NRDC: variants seen among roughly 807,000 people sequenced by gnomAD.
NRDC encodes nardilysin convertase, also known as nardilysin.
NRDC carries 54 observed loss-of-function variants against 147.1 expected under a neutral mutation model. The observed-to-expected ratio is 0.37, with a 90% CI of 0.29 to 0.46. The LOEUF is 0.46. Among genes scored for constraint, NRDC ranks in the 20% least tolerant of loss-of-function variants. NRDC has a pLI of 1.00. For missense variants in NRDC, 1,082 were observed against 1,370.6 expected, an observed-to-expected ratio of 0.79 and a Z score of 3.33; for synonymous variants, 440 against 482.1, an observed-to-expected ratio of 0.91 and a Z score of 1.14.
At chr1:51,794,064 C>G (rs947149364) in intron 24 of NRDC, 24 of 161,870 alleles carry the variant, frequency 1.5e-4, no homozygotes, top group Non-Finnish European at 3.1e-4. Context: ...GTGATAAATC[C>G]TTCCTCTCAG....
intron 10 of NRDC, among the ~76,000 whole-genome samples, 168 bp from the exon 11 acceptor site, chr1:51,816,557 G>A (rs1679977750): frequency 1.3e-5 from 2 of 152,118 alleles, no homozygotes. Context: ...GATAAAAACA[G>A]AAAATATAGT....
chr1:51,833,440 TAA>T (rs34771592), intron 4 of NRDC, among the ~76,000 whole-genome samples: 43 of 121,428 alleles, frequency 3.5e-4, no homozygotes, highest in Non-Finnish European at 5.8e-4. Flanking sequence ...CCATATCTCT[TAA>T]AAAAAAAAAA....
intron 6 of NRDC, 152 bp from the exon 7 acceptor site, chr1:51,823,938 T>C (rs977079578): frequency 2.0e-6 from 1 of 495,306 alleles, no homozygotes; most frequent in Non-Finnish European, 3.5e-6. Context: ...AATGTATTAA[T>C]ATTAATAAGA....
chr1:51,868,308 G>A (rs1402552333), intron 1 of NRDC, among the ~76,000 whole-genome samples: 1 of 152,018 alleles, frequency 6.6e-6, no homozygotes, highest in African/African-American at 2.4e-5. Context: ...AAACAGAAAA[G>A]AGAGGAGATA....
At chr1:51,873,637 A>G (rs181672501) in intron 1 of NRDC, among the ~76,000 whole-genome samples, 3 of 151,526 alleles carry the variant, frequency 2.0e-5, no homozygotes, top group African/African-American at 7.2e-5. Flanking sequence ...CTGCCTCCCA[A>G]GTAGTTGGGA....
At chr1:51,860,756 AC>A (rs1368459206) in intron 1 of NRDC, among the ~76,000 whole-genome samples, 1 of 152,144 alleles carries the variant, frequency 6.6e-6, no homozygotes, top group African/African-American at 2.4e-5. Context: ...ACCTACAAGA[AC>A]CTTCCTTTCT....
In NRDC at chr1:51,816,390, CT is replaced by C. The variant is rs1481059791; in HGVS notation, c.1362-2del. 1.9e-6 allele frequency: 3 copies of C among 1,561,830 alleles called. No homozygotes were observed. The highest frequency in any genetic ancestry group is 3.7e-5 in the Admixed American group (2 of 53,616). ...GGATATATAATGAAGTGGCTTCACCCTTTTAAAAAAATTTAATGGTCAGAAG... is the reference window on the plus strand; with the variant it reads ...GGATATATAATGAAGTGGCTTCACCCTTTAAAAAAATTTAATGGTCAGAAG... On this transcript the variant is annotated splice_acceptor_variant, in intron 10 of 30. Transcript: ENST00000352171. LOFTEE classifies it high-confidence loss of function.
Position 51,790,930 on chromosome 1 carries a change from C to A in NRDC, c.3021G>T (p.Glu1007Asp), listed in dbSNP as rs1401773379. ...EFLSSFEEKIENLTEEAFNTQ... is the reference protein window; with the variant it reads ...EFLSSFEEKIDNLTEEAFNTQ... ...TGTTGAATGCCTCTTCAGTGAGGTT[C>A]TCAATCTTCTCCTCAAAGCTAGAAA... Residue 1007 changes from glutamate (E) to aspartate (D), a missense_variant, in exon 28 of 31, where the codon GAG (glutamate) becomes GAT (aspartate). Glu to Asp is a conservative substitution (Grantham distance 45, BLOSUM62 2). Coordinates refer to ENST00000352171, the MANE Select transcript of NRDC (RefSeq NM_001101662.2). 6.2e-7 allele frequency: 1 copy of A among 1,613,932 alleles called. No individual in the cohort carries two copies. Among genetic ancestry groups the A allele is most frequent in the Non-Finnish European group, 8.5e-7 (1 of 1,179,898 alleles).
rs771662837 is a variant in NRDC at position 51,805,242 on chromosome 1, T to C, written c.2162+268A>G. 3.3e-5 allele frequency among the ~76,000 whole-genome samples: 5 copies of C among 152,332 alleles called. No homozygotes were observed. In the South Asian group the frequency reaches 1.0e-3, roughly 32 times the overall value. On this transcript the variant is annotated intron_variant, in intron 19 of 30. Coordinates refer to ENST00000352171, the MANE Select transcript of NRDC (RefSeq NM_001101662.2). ...TCACCCAAACTGATCTTTAAGGACT[T>C]TTCCCCATCCAGTAACTGGGAACTA...
At chr1:51,827,656 G>A (rs1446127549) in intron 5 of NRDC, 140 bp downstream of exon 5, 6 of 630,654 alleles carry the variant, frequency 9.5e-6, no homozygotes, top group Non-Finnish European at 1.7e-5. Flanking sequence ...ATGACTTCAG[G>A]AACAAACATA....
chr1:51,855,237 C>T (rs1682175197), intron 1 of NRDC, among the ~76,000 whole-genome samples: 1 of 152,220 alleles, frequency 6.6e-6, no homozygotes, highest in East Asian at 1.9e-4. Context: ...TGCAAATCAT[C>T]GGGGAGGTCA....
rs1683457996 is a variant in NRDC, at chr1:51,878,712, C to A, written c.-97G>T. ...CGGCCGGCCCTGGTGCTGCCGCAGCCGCGGGGAACAGGCCTGAACCCCTCC... is the reference window on the plus strand; with the variant it reads ...CGGCCGGCCCTGGTGCTGCCGCAGCAGCGGGGAACAGGCCTGAACCCCTCC... On this transcript the variant is annotated 5_prime_UTR_variant, in exon 1 of 31. Coordinates refer to ENST00000352171, the MANE Select transcript of NRDC (RefSeq NM_001101662.2). 2 of 1,120,172 alleles carry A rather than the reference C, an allele frequency of 1.8e-6. No individual in the cohort carries two copies. The highest frequency in any genetic ancestry group is 2.6e-6 in the Non-Finnish European group (2 of 781,264). The allele number at this position is 1,120,172 out of a possible 1,614,324, so 69.4% of individuals were successfully genotyped here. A position where few individuals can be genotyped will look rare whatever the true frequency, so the allele number is the denominator to read the frequency against.
rs753683073 is a variant in NRDC, at chr1:51,806,866, G to C, written c.2038C>G (p.Pro680Ala). Reference protein sequence around the residue: ...KAFDCPETEYPVKIVNTPQGC... With the variant: ...KAFDCPETEYAVKIVNTPQGC... ...TGTGGAGTATTCACAATTTTAACTG[G>C]GTATTCTGTTTCCGGGCAATCGAAA... The change falls in exon 18 of 31, where the codon CCA (proline) becomes GCA (alanine). Residue 680 changes from proline to alanine, a missense_variant. Around this residue, in one of 3 missense-constraint regions of NRDC, gnomAD observed 635 missense variants for 923.8 expected, o/e 0.69. Transcript: ENST00000352171. 5.6e-6 allele frequency: 9 copies of C among 1,613,710 alleles called. No individual in the cohort carries two copies. The highest frequency in any genetic ancestry group is 7.6e-6 in the Non-Finnish European group (9 of 1,179,818).
intron 4 of NRDC, among the ~76,000 whole-genome samples, chr1:51,832,574 T>C (rs982291054): frequency 6.6e-6 from 1 of 152,162 alleles, no homozygotes; most frequent in African/African-American, 2.4e-5. Flanking sequence ...AGGTTTCTTT[T>C]TTCTTTTACA....
chr1:51,817,330 T>A (rs1680017776), intron 10 of NRDC, among the ~76,000 whole-genome samples: 1 of 137,814 alleles, frequency 7.3e-6, no homozygotes, highest in Non-Finnish European at 1.5e-5. Flanking sequence ...AAAGTTAAAT[T>A]TTTATCAGTT....
chr1:51,840,446 G>C lies in NRDC; in HGVS notation c.410C>G (p.Thr137Arg). Residue 137 changes from threonine to arginine, a missense_variant, in exon 2 of 31, where the codon ACA (threonine) becomes AGA (arginine). Transcript: ENST00000352171. ...ISDLSNMEGK[T>R]GNTTDDEEEE... ...TTCTTCATCATCTGTTGTATTTCCTGTTTTACCTTCCATATTACTTAGGTC... is the reference window on the plus strand; with the variant it reads ...TTCTTCATCATCTGTTGTATTTCCTCTTTTACCTTCCATATTACTTAGGTC... The C allele has an allele frequency of 6.2e-7, 1 of 1,610,556 alleles. No homozygotes were observed. Among genetic ancestry groups the C allele is most frequent in the Non-Finnish European group, 8.5e-7 (1 of 1,178,240 alleles).
In NRDC at chr1:51,878,344, C is replaced by T. The variant is rs754041972; in HGVS notation, c.272G>A (p.Arg91Gln). Residue 91 changes from arginine (R) to glutamine (Q), a missense_variant, in exon 1 of 31, where the codon CGG becomes CAG. Arg to Gln is a conservative substitution (Grantham distance 43). Coordinates refer to ENST00000352171, the MANE Select transcript of NRDC (RefSeq NM_001101662.2). ...LGADESEEEG[R>Q]RGSLSNAGDP... ...CCCAGCATTACTGAGAGACCCCCTC[C>T]GTCCCTCTTCCTCAGATTCATCCGC... 1 of 1,614,196 alleles carries T rather than the reference C, an allele frequency of 6.2e-7. No individual in the cohort carries two copies. The highest frequency in any genetic ancestry group is 1.1e-5 in the South Asian group (1 of 91,092).
At chr1:51,842,882 A>G (rs1681339666) in intron 1 of NRDC, among the ~76,000 whole-genome samples, 1 of 152,042 alleles carries the variant, frequency 6.6e-6, no homozygotes, top group Non-Finnish European at 1.5e-5. Context: ...CCTGGGTAAC[A>G]TGGCAAAACC....
chr1:51,867,885 C>T (rs532952869), intron 1 of NRDC, among the ~76,000 whole-genome samples: 52 of 152,264 alleles, frequency 3.4e-4, no homozygotes, highest in African/African-American at 1.1e-3. Context: ...AAGGACATAG[C>T]TCCAAGGGGA....
Sources: allele counts gnomAD v4.1 joint callset (sites outside exome capture counted in the v4.1 genomes callset), GRCh38; gene constraint gnomAD v4.1.1; regional missense constraint gnomAD v4.1.1; transcripts MANE v1.5; gene names NCBI Gene and HGNC (gene_info 2026-07-23, HGNC 2026-07-21).